C1orf105: variants seen among roughly 807,000 people sequenced by gnomAD.
The protein encoded by C1orf105 is uncharacterized protein C1orf105.
In C1orf105, 17 loss-of-function variants were observed where a neutral mutation model predicts 20.8. The ratio of observed to expected loss-of-function variants is 0.82; its 90% confidence interval spans 0.56 to 1.23. The LOEUF is 1.23. Ranked by LOEUF, C1orf105 falls within the 50% of genes most tolerant of loss-of-function variation. C1orf105 has a pLI of 0.00. For missense variants in C1orf105, 219 were observed against 213.5 expected (o/e 1.03, Z -0.16); for synonymous variants, 72 against 72.1 (o/e 1.00, Z 0.01).
At chr1:172,448,621 C>CT (rs1233894535) in intron 3 of C1orf105, 90 bp downstream of exon 3, 3 of 754,498 alleles carry the variant, frequency 4.0e-6, no homozygotes, top group East Asian at 5.0e-5. Flanking sequence ...TAGCACAGCC[C>CT]TGTGCTTGGT....
chr1:172,442,064 C>G (rs748141955), intron 1 of C1orf105: 2 of 1,614,162 alleles, frequency 1.2e-6, no homozygotes, highest in Non-Finnish European at 1.7e-6. Context: ...GCCAAGCATA[C>G]AGAAGCAAAG....
intron 1 of C1orf105, among the ~76,000 whole-genome samples, chr1:172,426,953 T>C (rs1028132482): frequency 2.6e-5 from 4 of 152,248 alleles, no homozygotes; most frequent in Admixed American, 2.0e-4. Context: ...TAACTGTACA[T>C]GGTCTGGAAA....
chr1:172,449,341 G>A (rs1336214324), intron 3 of C1orf105, among the ~76,000 whole-genome samples: 1 of 152,140 alleles, frequency 6.6e-6, no homozygotes, highest in Non-Finnish European at 1.5e-5. Flanking sequence ...CAGAAACAGG[G>A]CACAGCACTT....
chr1:172,465,544 C>T (rs1314988905), intron 6 of C1orf105, 181 bp downstream of exon 6: 15 of 683,248 alleles, frequency 2.2e-5, no homozygotes, highest in Non-Finnish European at 3.2e-5. Context: ...TTCTTTCACT[C>T]CAGCACCACC....
chr1:172,464,694 A>G (rs1483310463), intron 5 of C1orf105, among the ~76,000 whole-genome samples: 1 of 145,448 alleles, frequency 6.9e-6, no homozygotes, highest in Non-Finnish European at 1.5e-5. Flanking sequence ...TATTCCTCCT[A>G]TTTTCAGACC....
At chr1:172,450,035 A>G (rs1423611896) in intron 3 of C1orf105, among the ~76,000 whole-genome samples, 1 of 152,232 alleles carries the variant, frequency 6.6e-6, no homozygotes, top group Non-Finnish European at 1.5e-5. Flanking sequence ...AGTAGGAGTG[A>G]GAGGCCATTC....
chr1:172,456,527 T>C, intron 4 of C1orf105, 38 bp downstream of exon 4: 1 of 1,587,242 alleles, frequency 6.3e-7, no homozygotes, highest in Non-Finnish European at 8.6e-7. Flanking sequence ...CACAGGCATC[T>C]CAGGGTGCAG....
intron 1 of C1orf105, among the ~76,000 whole-genome samples, chr1:172,434,472 T>A (rs2071973146): frequency 6.6e-6 from 1 of 152,150 alleles, no homozygotes; most frequent in Non-Finnish European, 1.5e-5. Flanking sequence ...CACAACTACA[T>A]GGAAACTGAA....
intron 1 of C1orf105, chr1:172,431,055 C>T (rs776425517): frequency 4.6e-6 from 3 of 653,484 alleles, no homozygotes. Context: ...CTTCTTGGGC[C>T]TCCCTATTTC....
chr1:172,467,040 C>T (rs1014150848), intron 6 of C1orf105, among the ~76,000 whole-genome samples: 16 of 152,164 alleles, frequency 1.1e-4, no homozygotes, highest in African/African-American at 3.6e-4. Context: ...TCTGTGTTCC[C>T]ACCTGTAAAA....
intron 1 of C1orf105, chr1:172,431,079 G>T: frequency 1.5e-6 from 1 of 661,388 alleles, no homozygotes; most frequent in South Asian, 1.7e-5. Context: ...AGACACAACA[G>T]TATCAAAATT....
intron 1 of C1orf105, among the ~76,000 whole-genome samples, chr1:172,423,382 C>A (rs922843995): frequency 3.3e-5 from 5 of 152,050 alleles, no homozygotes; most frequent in African/African-American, 9.7e-5. Flanking sequence ...CTAGGACCAC[C>A]AAGGTGGTAC....
Position 172,432,879 on chromosome 1 carries a change from A to G in C1orf105, c.21+11973A>G, listed in dbSNP as rs116821490. 3.4e-3 allele frequency among the ~76,000 whole-genome samples: 512 copies of G among 152,380 alleles called. 1 individual carries two copies. The highest frequency in any genetic ancestry group is 5.4e-3 in the Non-Finnish European group (370 of 68,034). On this transcript the variant is annotated intron_variant, in intron 1 of 6. Transcript: ENST00000367727. ...AAGTTAAAAACCTTGAAAAAAGGAC[A>G]GATGAATGGCTAACTAGAATAAACA...
chr1:172,427,171 T>C (rs1573825659), intron 1 of C1orf105, among the ~76,000 whole-genome samples: 1 of 152,194 alleles, frequency 6.6e-6, no homozygotes, highest in East Asian at 1.9e-4. Flanking sequence ...CCAACTTCCC[T>C]GAGAAAATTG....
At chr1:172,448,567 C>T in intron 3 of C1orf105, 36 bp downstream of exon 3, 1 of 1,229,994 alleles carries the variant, frequency 8.1e-7, no homozygotes, top group Non-Finnish European at 1.2e-6. Flanking sequence ...AAACCAACAG[C>T]AGTTCTAGAA....
At chr1:172,462,083 A>G (rs955253595) in intron 4 of C1orf105, 95 bp from the exon 5 acceptor site, 5 of 937,024 alleles carry the variant, frequency 5.3e-6, no homozygotes, top group African/African-American at 1.7e-5. Flanking sequence ...GGACTTTGAC[A>G]TCAAATACAA....
intron 1 of C1orf105, among the ~76,000 whole-genome samples, chr1:172,424,654 G>C (rs2071678585): frequency 6.6e-6 from 1 of 152,218 alleles, no homozygotes; most frequent in Admixed American, 6.5e-5. Context: ...GTCTCCCAAA[G>C]TGTTGGGTTT....
intron 3 of C1orf105, among the ~76,000 whole-genome samples, chr1:172,454,038 T>C (rs1227901324): frequency 6.6e-6 from 1 of 152,208 alleles, no homozygotes; most frequent in Non-Finnish European, 1.5e-5. Flanking sequence ...AAATAATATC[T>C]GTTGCTTGAT....
chr1:172,465,243 C>G, intron 5 of C1orf105, 56 bp from the exon 6 acceptor site: 1 of 1,004,434 alleles, frequency 1.0e-6, no homozygotes, highest in Non-Finnish European at 1.5e-6. Flanking sequence ...AGGCACATTT[C>G]TTTCTACCAA....
Sources: allele counts gnomAD v4.1 joint callset (sites outside exome capture counted in the v4.1 genomes callset), GRCh38; gene constraint gnomAD v4.1.1; transcripts MANE v1.5; gene names NCBI Gene and HGNC (gene_info 2026-07-23, HGNC 2026-07-21).